Variants in PRKN observed in about 807,000 individuals in gnomAD.
The protein encoded by PRKN is E3 ubiquitin-protein ligase parkin.
A neutral mutation model predicts 59.5 loss-of-function variants in PRKN; 56 were observed. The observed-to-expected ratio is 0.94, with a 90% CI of 0.76 to 1.18. PRKN has a LOEUF of 1.18. Among genes scored for constraint, PRKN ranks in the 50% most tolerant of loss-of-function variants. The pLI is 0.00. For missense variants in PRKN, 657 were observed against 596.4 expected, an observed-to-expected ratio of 1.10 and a Z score of -1.06; for synonymous variants, 250 against 222.1, an observed-to-expected ratio of 1.13 and a Z score of -1.12.
In PRKN at chr6:161,576,886, G is replaced by A. The variant is rs1261036475; in HGVS notation, c.872-7470C>T. The stretch of plus-strand genomic sequence containing the variant: ...AGGTAAATCTCAAAATCATAAAGTT[G>A]AGAAAAAAGTTGCAATCGTTTATGC... On this transcript the variant is annotated intron_variant, in intron 7 of 11. Coordinates refer to ENST00000366898, the MANE Select transcript of PRKN (RefSeq NM_004562.3). The surrounding 1 kb of genome is among the most constrained non-coding windows in gnomAD (Gnocchi z 4.6). 6.6e-6 allele frequency among the ~76,000 whole-genome samples: 1 copy of A among 152,126 alleles called. No homozygotes were observed. The highest frequency in any genetic ancestry group is 1.5e-5 in the Non-Finnish European group (1 of 68,022).
At chr6:161,613,359 G>T (rs1012817602) in intron 7 of PRKN, among the ~76,000 whole-genome samples, 1 of 148,118 alleles carries the variant, frequency 6.8e-6, no homozygotes, top group South Asian at 2.3e-4. Flanking sequence ...TCTTATGGAT[G>T]CGCAAAGATT....
At chr6:162,673,641 C>A (rs1779420911) in intron 1 of PRKN, among the ~76,000 whole-genome samples, 1 of 152,198 alleles carries the variant, frequency 6.6e-6, no homozygotes, top group African/African-American at 2.4e-5. Flanking sequence ...CCACCTCGGC[C>A]TCCTAAAGTG....
intron 7 of PRKN, among the ~76,000 whole-genome samples, chr6:161,733,539 C>T (rs1787808887): frequency 6.6e-6 from 1 of 152,074 alleles, no homozygotes; most frequent in South Asian, 2.1e-4. Context: ...AGATAAAACT[C>T]CCTTAGCTTC....
At chr6:162,447,088 T>A (rs1363649105) in intron 1 of PRKN, among the ~76,000 whole-genome samples, 2 of 152,188 alleles carry the variant, frequency 1.3e-5, no homozygotes, top group Admixed American at 6.5e-5. Context: ...ATTGAGATTA[T>A]GGATGTATTA....
At chr6:162,646,245 A>G (rs1390663862) in intron 1 of PRKN, among the ~76,000 whole-genome samples, 1 of 145,934 alleles carries the variant, frequency 6.9e-6, no homozygotes, top group Non-Finnish European at 1.5e-5. Context: ...AAATAAATAA[A>G]AGGTTTTTAA....
chr6:161,553,047 C>T (rs977617585), intron 8 of PRKN, among the ~76,000 whole-genome samples: 4 of 150,998 alleles, frequency 2.6e-5, no homozygotes, highest in Non-Finnish European at 5.9e-5. Flanking sequence ...CCTCAGCCTC[C>T]CAAAGTTGTA....
At chr6:161,482,694 G>A (rs1479520655) in intron 9 of PRKN, among the ~76,000 whole-genome samples, 1 of 152,212 alleles carries the variant, frequency 6.6e-6, no homozygotes, top group Non-Finnish European at 1.5e-5. Flanking sequence ...ATTCAACTGA[G>A]TACGTGGCTG....
chr6:162,467,674 A>G lies in PRKN; in HGVS notation c.8-24201T>C, dbSNP rs73035841. The stretch of plus-strand genomic sequence containing the variant: ...TCAGAGGAATCCCTTGACACAAGAA[A>G]AAACTCACGTCACTTCCTACTTTAA... On this transcript the variant is annotated intron_variant, in intron 1 of 11. Transcript: ENST00000366898. Among the ~76,000 whole-genome samples, 878 of 152,204 alleles carry G rather than the reference A, an allele frequency of 5.8e-3. 4 individuals are homozygous for G. Among genetic ancestry groups the G allele is most frequent in the South Asian group, 0.025 (121 of 4,818 alleles).
intron 4 of PRKN, among the ~76,000 whole-genome samples, chr6:162,123,552 A>T: frequency 6.6e-6 from 1 of 152,206 alleles, no homozygotes; most frequent in East Asian, 1.9e-4. Flanking sequence ...TTAGGTTATA[A>T]GATTCTGTTG....
At chr6:161,806,472 C>T (rs971935752) in intron 6 of PRKN, among the ~76,000 whole-genome samples, 1 of 152,174 alleles carries the variant, frequency 6.6e-6, no homozygotes, top group Non-Finnish European at 1.5e-5. Flanking sequence ...GTCAGACTTA[C>T]AAGCCAGACT....
At chr6:161,995,978 C>CA (rs1781825813) in intron 5 of PRKN, among the ~76,000 whole-genome samples, 1 of 152,002 alleles carries the variant, frequency 6.6e-6, no homozygotes, top group East Asian at 1.9e-4. Flanking sequence ...CCCATTTTCA[C>CA]AAAAAATTAA....
intron 7 of PRKN, among the ~76,000 whole-genome samples, chr6:161,780,689 C>T (rs573286983): frequency 1.3e-5 from 2 of 152,220 alleles, no homozygotes; most frequent in East Asian, 1.9e-4. Flanking sequence ...GCAACACTGA[C>T]GATGTCGGTA....
At chr6:162,612,414 G>A (rs1361154388) in intron 1 of PRKN, among the ~76,000 whole-genome samples, 1 of 151,510 alleles carries the variant, frequency 6.6e-6, no homozygotes, top group Non-Finnish European at 1.5e-5. Context: ...TTAACACTGG[G>A]GAAAATAGCT....
intron 3 of PRKN, among the ~76,000 whole-genome samples, chr6:162,235,931 AAGG>A (rs1778647167): frequency 3.1e-5 from 3 of 97,788 alleles, no homozygotes; most frequent in African/African-American, 1.6e-4. Context: ...GGAAGGAAGG[AAGG>A]AAGGAAGGAA....
intron 7 of PRKN, among the ~76,000 whole-genome samples, chr6:161,606,592 T>C (rs923109520): frequency 4.6e-5 from 7 of 152,104 alleles, no homozygotes. Context: ...AAGAGAGATG[T>C]TAATCAAATC....
chr6:161,640,958 G>A (rs1783716762), intron 7 of PRKN, among the ~76,000 whole-genome samples: 1 of 152,198 alleles, frequency 6.6e-6, no homozygotes, highest in Admixed American at 6.5e-5. Flanking sequence ...TGGAAAGCCG[G>A]CTCCCTGCAG....
intron 7 of PRKN, among the ~76,000 whole-genome samples, chr6:161,773,049 T>C (rs1562672287): frequency 6.6e-6 from 1 of 152,134 alleles, no homozygotes; most frequent in Non-Finnish European, 1.5e-5. Flanking sequence ...GGAATGATAA[T>C]TATTAAGATC....
At chr6:162,285,109 A>G (rs922541562) in intron 2 of PRKN, among the ~76,000 whole-genome samples, 5 of 152,118 alleles carry the variant, frequency 3.3e-5, no homozygotes, top group Admixed American at 2.6e-4. Flanking sequence ...TGACACCTTG[A>G]CTTTGGAATT....
At chr6:161,387,489 G>A (rs911907673) in intron 9 of PRKN, among the ~76,000 whole-genome samples, 7 of 152,104 alleles carry the variant, frequency 4.6e-5, no homozygotes, top group South Asian at 2.1e-4. Context: ...ATCCAGTCTC[G>A]GGTATGTCCT....
Sources: gnomAD v4.1 joint callset for allele counts (sites outside exome capture counted in the v4.1 genomes callset) on GRCh38, gnomAD v4.1.1 for gene constraint, Gnocchi (gnomAD v3.1) non-coding constraint, MANE v1.5 for transcripts, NCBI Gene and HGNC (gene_info 2026-07-23, HGNC 2026-07-21) for gene names.